Variants in MUC5AC observed in about 807,000 individuals in gnomAD.
MUC5AC encodes the protein mucin-5AC.
Under a neutral mutation model 169.7 loss-of-function variants are expected in MUC5AC, and 158 were observed. That is an observed-to-expected ratio of 0.93 (90% CI 0.82 to 1.06). The LOEUF is 1.06. MUC5AC is among the 50% of genes least tolerant of loss of function. The probability of loss-of-function intolerance (pLI) is 0.00; values close to 1 mark genes in which losing one functional copy is unlikely to be tolerated. For synonymous variants in MUC5AC, 1,975 were observed against 1,237.0 expected (o/e 1.60, Z -12.52); for missense variants, 4,359 against 3,089.9 (o/e 1.41, Z -9.74).
At chr11:1,164,044 A>G in intron 7 of MUC5AC, 53 bp downstream of exon 7, 1 of 1,609,626 alleles carries the variant, frequency 6.2e-7, no homozygotes, top group Non-Finnish European at 8.5e-7. Context: ...AGGGGTTGTG[A>G]GCCTGGGAAC....
Position 1,182,275 on chromosome 11 carries a change from C to T in MUC5AC, c.4130C>T (p.Ala1377Val). Residue 1377 changes from alanine (A) to valine (V), a missense_variant, in exon 31 of 49, where the codon GCC becomes GTC. Physicochemically the swap from Ala to Val is moderately conservative, Grantham distance 64. Coordinates refer to ENST00000621226, the MANE Select transcript of MUC5AC (RefSeq NM_001304359.2). ...SPRTRLPTASASLPPVCGEKC... is the reference protein window; with the variant it reads ...SPRTRLPTASVSLPPVCGEKC... Reference sequence around the variant, plus strand: ...AGGACGAGGCTGCCCACAGCCTCTGCCTCACTGCCGCCGGTCTGTGGGGAA... The same window carrying T: ...AGGACGAGGCTGCCCACAGCCTCTGTCTCACTGCCGCCGGTCTGTGGGGAA... The T allele has an allele frequency of 2.5e-6, 1 of 398,614 alleles. No individual in the cohort carries two copies. The highest frequency in any genetic ancestry group is 4.4e-6 in the Non-Finnish European group (1 of 226,038). 24.7% of individuals were successfully genotyped at this position (398,614 alleles called of 1,614,324 possible). A position where few individuals can be genotyped will look rare whatever the true frequency, so the allele number is the denominator to read the frequency against.
chr11:1,179,965 G>A (rs984736676), intron 26 of MUC5AC, 57 bp from the exon 27 acceptor site: 46 of 398,464 alleles, frequency 1.2e-4, no homozygotes, highest in Admixed American at 1.8e-4. Context: ...CCTGGGGTGC[G>A]GGGCCTCTGC....
intron 33 of MUC5AC, 109 bp from the exon 34 acceptor site, chr11:1,194,001 G>C: frequency 1.5e-6 from 1 of 685,970 alleles, no homozygotes; most frequent in South Asian, 1.6e-5. Context: ...CGCCCTGTGA[G>C]ATGAGACGGT....
At position 1,186,739 on chromosome 11, in the gene MUC5AC, C is replaced by A. The variant is rs1254326514; in HGVS notation, c.8594C>A (p.Thr2865Lys). The A allele has an allele frequency of 1.2e-5, 9 of 731,226 alleles. No individual in the cohort carries two copies. The highest frequency in any genetic ancestry group is 2.2e-5 in the Non-Finnish European group (9 of 401,058). 45.3% of individuals were successfully genotyped at this position (731,226 alleles called of 1,614,324 possible). The change falls in exon 31 of 49, where the codon ACA (threonine) becomes AAA (lysine). Residue 2865 changes from threonine to lysine, a missense_variant. Thr to Lys is a moderately conservative substitution (Grantham distance 78). Coordinates refer to ENST00000621226, the MANE Select transcript of MUC5AC (RefSeq NM_001304359.2). ...ACAACCAGAACAACCTCTGTCCCTA[C>A]AAGCAGCACAACCTCCACTGCTACA... is the stretch of plus-strand genomic sequence containing the variant. ...APTTRTTSVP[T>K]SSTTSTATTS...
intron 1 of MUC5AC, among the ~76,000 whole-genome samples, chr11:1,159,525 T>C (rs1194015001): frequency 9.1e-6 from 1 of 109,596 alleles, no homozygotes; most frequent in African/African-American, 4.0e-5. Flanking sequence ...GGTCCCACCA[T>C]GCTGGTTCTG....
Position 1,188,729 on chromosome 11 carries a change from A to ACG in MUC5AC, c.10584_10585insCG (p.Trp3529ArgfsTer50). 1 of 747,808 alleles carries ACG rather than the reference A, an allele frequency of 1.3e-6. No individual in the cohort carries two copies. Among genetic ancestry groups the ACG allele is most frequent in the Non-Finnish European group, 2.5e-6 (1 of 408,102 alleles). The allele number at this position is 747,808 out of a possible 1,614,324, so 46.3% of individuals were successfully genotyped here. On this transcript the variant is annotated frameshift_variant, in exon 31 of 49. Coordinates refer to ENST00000621226, the MANE Select transcript of MUC5AC (RefSeq NM_001304359.2). LOFTEE classifies it high-confidence loss of function. Reference sequence around the variant, plus strand: ...GTCATCCCCGGTGCACCTGGACCAAATGGTTTGATGTGGACTTTCCATCCC... The same window carrying ACG: ...GTCATCCCCGGTGCACCTGGACCAAACGTGGTTTGATGTGGACTTTCCATCCC...
chr11:1,174,229 T>A (rs926341507), intron 16 of MUC5AC, among the ~76,000 whole-genome samples: 38 of 152,400 alleles, frequency 2.5e-4, no homozygotes, highest in Non-Finnish European at 3.4e-4. Context: ...TGAGGCAAGC[T>A]GGTCTTGGCT....
intron 11 of MUC5AC, 99 bp from the exon 12 acceptor site, chr11:1,167,778 T>C: frequency 9.7e-7 from 1 of 1,030,082 alleles, no homozygotes; most frequent in Non-Finnish European, 1.5e-6. Context: ...AGTGGGGTTT[T>C]CTAGTGAGGG....
In MUC5AC at chr11:1,186,550, C is replaced by T. The variant is rs1485533699; in HGVS notation, c.8405C>T (p.Thr2802Ile). 14 of 701,626 alleles carry T rather than the reference C, an allele frequency of 2.0e-5. No individual in the cohort carries two copies. In the African/African-American group the frequency reaches 2.3e-4, roughly 11 times the overall value. 43.5% of individuals were successfully genotyped at this position (701,626 alleles called of 1,614,324 possible). The part of the protein sequence containing the change: ...PTTSTTSTTI[T>I]STTSAPISST... ...ACCAGCACAACCTCTACTACTATAA[C>T]CAGCACAACTTCTGCCCCTATAAGC... Residue 2802 changes from threonine (T) to isoleucine (I), a missense_variant, in exon 31 of 49, where the codon ACC becomes ATC. Thr to Ile is a moderately conservative substitution (Grantham distance 89, BLOSUM62 -1). Transcript: ENST00000621226.
Position 1,186,743 on chromosome 11 carries a change from C to T in MUC5AC, c.8598C>T (p.Ser2866=), listed in dbSNP as rs1240865328. 805 of 732,716 alleles carry T rather than the reference C, an allele frequency of 1.1e-3. No homozygotes were observed. The highest frequency in any genetic ancestry group is 1.7e-3 in the Non-Finnish European group (675 of 401,746). 45.4% of individuals were successfully genotyped at this position (732,716 alleles called of 1,614,324 possible). The change falls in exon 31 of 49, where the codon AGC becomes AGT. Residue 2866 remains serine, a synonymous_variant. Coordinates refer to ENST00000621226, the MANE Select transcript of MUC5AC (RefSeq NM_001304359.2). ...PTTRTTSVPT[S]STTSTATTST... ...CCAGAACAACCTCTGTCCCTACAAGCAGCACAACCTCCACTGCTACAACCA... is the reference window on the plus strand; with the variant it reads ...CCAGAACAACCTCTGTCCCTACAAGTAGCACAACCTCCACTGCTACAACCA...
At position 1,191,183 on chromosome 11, in the gene MUC5AC, C is replaced by A. The variant is rs1344701461; in HGVS notation, c.13038C>A (p.Ser4346Arg). The part of the protein sequence containing the change: ...STTSGPGSTP[S>R]PVPTTSTTSA... ...CCTCTGGTCCTGGAAGTACTCCCAGCCCTGTTCCCACCACCAGCACAACCT... is the reference window on the plus strand; with the variant it reads ...CCTCTGGTCCTGGAAGTACTCCCAGACCTGTTCCCACCACCAGCACAACCT... The change falls in exon 31 of 49, where the codon AGC (serine) becomes AGA (arginine). Residue 4346 changes from serine to arginine, a missense_variant. Ser to Arg is a moderately radical substitution (Grantham distance 110, BLOSUM62 -1). Coordinates refer to ENST00000621226, the MANE Select transcript of MUC5AC (RefSeq NM_001304359.2). 1.6e-5 allele frequency: 12 copies of A among 747,598 alleles called. No homozygotes were observed. Among genetic ancestry groups the A allele is most frequent in the African/African-American group, 1.5e-4 (9 of 58,690 alleles). 46.3% of individuals were successfully genotyped at this position (747,598 alleles called of 1,614,324 possible).
chr11:1,161,590 A>T lies in MUC5AC; in HGVS notation c.211+4A>T. ...AGGACCATCCCTGTGGTACGAGGTG[A>T]GTGGAGCCCGGAGGCCTGGGTGGGG... On this transcript the variant is annotated splice_donor_region_variant and intron_variant, in intron 3 of 48. Coordinates refer to ENST00000621226, the MANE Select transcript of MUC5AC (RefSeq NM_001304359.2). 1 of 1,608,780 alleles carries T rather than the reference A, an allele frequency of 6.2e-7. No homozygotes were observed. The highest frequency in any genetic ancestry group is 1.3e-5 in the African/African-American group (1 of 74,922).
In MUC5AC at chr11:1,186,788, A is replaced by C; in HGVS notation, c.8643A>C (p.Gly2881=). ...TATTSTTSGP[G]TTPSPVPTTS... is the part of the protein sequence containing the mutation. ...CAACCAGCACAACCTCTGGCCCTGG[A>C]ACTACTCCCAGCCCTGTTCCCACCA... is the stretch of plus-strand genomic sequence containing the variant. Residue 2881 remains glycine, a synonymous_variant, in exon 31 of 49, where the codon GGA becomes GGC. Coordinates refer to ENST00000621226, the MANE Select transcript of MUC5AC (RefSeq NM_001304359.2). 1.3e-6 allele frequency: 1 copy of C among 741,794 alleles called. No individual in the cohort carries two copies. 46.0% of individuals were successfully genotyped at this position (741,794 alleles called of 1,614,324 possible).
At chr11:1,159,193 G>A (rs1315740065) in intron 1 of MUC5AC, among the ~76,000 whole-genome samples, 1 of 152,138 alleles carries the variant, frequency 6.6e-6, no homozygotes, top group East Asian at 1.9e-4. Context: ...GGGCCAGAGG[G>A]TGTGAGGGCG....
chr11:1,180,839 G>A (rs999522983), intron 28 of MUC5AC, among the ~76,000 whole-genome samples: 19 of 152,098 alleles, frequency 1.2e-4, no homozygotes, highest in Admixed American at 7.9e-4. Flanking sequence ...GGTCCCCACC[G>A]GAAGGATGCC....
chr11:1,176,472 G>A (rs1209869359), intron 20 of MUC5AC, 42 bp from the exon 21 acceptor site: 10 of 398,734 alleles, frequency 2.5e-5, no homozygotes, highest in South Asian at 1.3e-4. Context: ...GGCAGGCCCC[G>A]TGCCCTGCCC....
intron 26 of MUC5AC, 54 bp downstream of exon 26, chr11:1,179,302 C>G (rs966606303): frequency 4.0e-6 from 2 of 498,736 alleles, no homozygotes; most frequent in Non-Finnish European, 7.1e-6. Flanking sequence ...AGCGTGTGCC[C>G]CACCACACTC....
In MUC5AC at chr11:1,189,292, C is replaced by T. The variant is rs1168044959; in HGVS notation, c.11147C>T (p.Pro3716Leu). 6.0e-5 allele frequency: 35 copies of T among 585,610 alleles called. No homozygotes were observed. Among genetic ancestry groups the T allele is most frequent in the Non-Finnish European group, 2.7e-5 (9 of 329,632 alleles). 36.3% of individuals were successfully genotyped at this position (585,610 alleles called of 1,614,324 possible). The change falls in exon 31 of 49, where the codon CCA becomes CTA. Residue 3716 changes from proline to leucine, a missense_variant. By Grantham distance (98) the Pro-to-Leu change is moderately conservative. Coordinates refer to ENST00000621226, the MANE Select transcript of MUC5AC (RefSeq NM_001304359.2). The part of the protein sequence containing the change: ...SAPTTSTTST[P>L]QTTTSSAPTS... ...CCTACAACCAGCACAACCTCCACTC[C>T]ACAGACCACCACATCCTCTGCCCCT... is the stretch of plus-strand genomic sequence containing the variant.
chr11:1,165,884 G>A, intron 11 of MUC5AC, 124 bp downstream of exon 11: 3 of 1,392,888 alleles, frequency 2.2e-6, no homozygotes, highest in Non-Finnish European at 2.0e-6. Flanking sequence ...GGTCCCCGAT[G>A]TTGAGACCTC....
Sources: gnomAD v4.1 joint callset for allele counts (sites outside exome capture counted in the v4.1 genomes callset) on GRCh38, gnomAD v4.1.1 for gene constraint, MANE v1.5 for transcripts, NCBI Gene and HGNC (gene_info 2026-07-23, HGNC 2026-07-21) for gene names.